RUNX2: variants seen among roughly 807,000 people sequenced by gnomAD.
RUNX2 encodes the protein runt-related transcription factor 2.
A neutral mutation model predicts 51.7 loss-of-function variants in RUNX2; 10 were observed. The ratio of observed to expected loss-of-function variants is 0.19; its 90% CI spans 0.12 to 0.33. RUNX2 has a LOEUF of 0.33. RUNX2 is among the 10% of genes least tolerant of loss of function. The pLI, the probability that RUNX2 is intolerant of heterozygous loss-of-function variation, is 1.00. For missense variants in RUNX2, 562 were observed against 691.3 expected (o/e 0.81, Z 2.10); for synonymous variants, 276 against 273.6 (o/e 1.01, Z -0.09).
intron 7 of RUNX2, among the ~76,000 whole-genome samples, chr6:45,535,280 C>T (rs779580665): frequency 7.2e-5 from 11 of 152,108 alleles, no homozygotes; most frequent in Admixed American, 1.3e-4. Context: ...GGTGATTGCG[C>T]GATTGTTGCT....
At chr6:45,354,486 C>T (rs6458440) in intron 2 of RUNX2, among the ~76,000 whole-genome samples, 22,839 of 151,948 alleles carry the variant, frequency 0.15, 1,963 homozygotes, top group East Asian at 0.26. Context: ...CTTTTTTGCT[C>T]ATCTGTGTGA....
intron 2 of RUNX2, among the ~76,000 whole-genome samples, chr6:45,407,618 C>T (rs1797865117): frequency 6.6e-6 from 1 of 151,982 alleles, no homozygotes; most frequent in Non-Finnish European, 1.5e-5. Flanking sequence ...TCAGCCTCCC[C>T]ACTAGCTGGG....
chr6:45,429,866 GGC>G (rs1798489828), intron 3 of RUNX2, among the ~76,000 whole-genome samples: 1 of 152,146 alleles, frequency 6.6e-6, no homozygotes, highest in African/African-American at 2.4e-5. Context: ...GGCTGAGGCG[GGC>G]GGATCACCTG....
chr6:45,527,144 G>T (rs1274318782), intron 7 of RUNX2, among the ~76,000 whole-genome samples: 3 of 152,172 alleles, frequency 2.0e-5, no homozygotes, highest in Non-Finnish European at 2.9e-5. Flanking sequence ...TGGGAAAATC[G>T]AGTGCAAGGG....
intron 2 of RUNX2, among the ~76,000 whole-genome samples, chr6:45,380,186 G>A (rs1178516647): frequency 1.3e-5 from 2 of 152,196 alleles, no homozygotes; most frequent in South Asian, 2.1e-4. Flanking sequence ...TGGTACTAGG[G>A]TATCTTAATT....
chr6:45,515,123 C>T (rs1801279455), intron 7 of RUNX2, among the ~76,000 whole-genome samples: 1 of 152,062 alleles, frequency 6.6e-6, no homozygotes, highest in Non-Finnish European at 1.5e-5. Context: ...GAAATGCTTT[C>T]CAGAACAGTT....
intron 6 of RUNX2, among the ~76,000 whole-genome samples, chr6:45,505,821 C>A (rs1420787521): frequency 6.6e-6 from 1 of 152,196 alleles, no homozygotes; most frequent in Non-Finnish European, 1.5e-5. Flanking sequence ...AGAAGGAGAA[C>A]TTATAAAATC....
chr6:45,459,299 G>C (rs911778326), intron 5 of RUNX2, among the ~76,000 whole-genome samples: 2 of 152,110 alleles, frequency 1.3e-5, no homozygotes, highest in Non-Finnish European at 2.9e-5. Flanking sequence ...AAAAATCATA[G>C]AATTACCTAA....
At chr6:45,458,206 T>C (rs1799373767) in intron 5 of RUNX2, among the ~76,000 whole-genome samples, 1 of 152,086 alleles carries the variant, frequency 6.6e-6, no homozygotes, top group South Asian at 2.1e-4. Flanking sequence ...TTTGTATTTT[T>C]AGTAGGGACG....
chr6:45,544,140 G>A lies in RUNX2; in HGVS notation c.1022-1077G>A, dbSNP rs116282708. Reference sequence around the variant, plus strand: ...AACATTAGCGCTCTTTATCAAGAAAGAGTCCATTCTCAAGACATTAAGACT... The same window carrying A: ...AACATTAGCGCTCTTTATCAAGAAAAAGTCCATTCTCAAGACATTAAGACT... On this transcript the variant is annotated intron_variant, in intron 7 of 8. Coordinates refer to ENST00000647337, the MANE Select transcript of RUNX2 (RefSeq NM_001024630.4). Among the ~76,000 whole-genome samples, 1,291 of 152,024 alleles carry A rather than the reference G, an allele frequency of 8.5e-3. 13 individuals are homozygous for A. The highest frequency in any genetic ancestry group is 0.029 in the African/African-American group (1,210 of 41,452).
chr6:45,501,433 C>G (rs1468422923), intron 6 of RUNX2, among the ~76,000 whole-genome samples: 2 of 152,158 alleles, frequency 1.3e-5, no homozygotes, highest in Non-Finnish European at 2.9e-5. Flanking sequence ...AGTTCTGATT[C>G]TTCTTCTGTT....
intron 7 of RUNX2, among the ~76,000 whole-genome samples, chr6:45,534,973 T>C (rs896171503): frequency 1.2e-4 from 19 of 152,174 alleles, no homozygotes; most frequent in African/African-American, 3.9e-4. Context: ...CCATTATCCT[T>C]AGCAAACTAA....
chr6:45,465,943 G>C (rs890026230), intron 5 of RUNX2, among the ~76,000 whole-genome samples: 2 of 151,910 alleles, frequency 1.3e-5, no homozygotes, highest in African/African-American at 4.8e-5. Flanking sequence ...ACTGTACCCC[G>C]CCCTACTTCT....
At chr6:45,417,123 A>G (rs1798081866) in intron 2 of RUNX2, among the ~76,000 whole-genome samples, 1 of 152,252 alleles carries the variant, frequency 6.6e-6, no homozygotes, top group Non-Finnish European at 1.5e-5. Flanking sequence ...TTACTAAGCT[A>G]ACTGTCTGAA....
intron 6 of RUNX2, among the ~76,000 whole-genome samples, chr6:45,496,805 C>T (rs781706939): frequency 6.6e-6 from 1 of 152,124 alleles, no homozygotes; most frequent in African/African-American, 2.4e-5. Context: ...AACAAAGAAG[C>T]AGAATTATGT....
intron 7 of RUNX2, among the ~76,000 whole-genome samples, chr6:45,534,898 T>C (rs902296664): frequency 2.6e-5 from 4 of 152,340 alleles, no homozygotes; most frequent in South Asian, 2.1e-4. Flanking sequence ...GTTTAAAGTC[T>C]AGTTGAACAC....
intron 6 of RUNX2, among the ~76,000 whole-genome samples, chr6:45,493,650 T>TA (rs77936464): frequency 0.01 from 1,527 of 147,860 alleles, 23 homozygotes; most frequent in African/African-American, 0.035. Flanking sequence ...TAAATATATG[T>TA]AAAAAAAAAA....
chr6:45,437,474 G>A (rs183107201), intron 4 of RUNX2, among the ~76,000 whole-genome samples: 1 of 152,230 alleles, frequency 6.6e-6, no homozygotes, highest in Admixed American at 6.5e-5. Flanking sequence ...TTATTGTAGT[G>A]CAGCTAAGCA....
intron 3 of RUNX2, among the ~76,000 whole-genome samples, chr6:45,428,014 T>A (rs1447677134): frequency 6.6e-6 from 1 of 152,198 alleles, no homozygotes; most frequent in Non-Finnish European, 1.5e-5. Flanking sequence ...CCTTTTCTCA[T>A]GGAGTTTCTT....
Sources: gnomAD v4.1 joint callset for allele counts (sites outside exome capture counted in the v4.1 genomes callset) on GRCh38, gnomAD v4.1.1 for gene constraint, MANE v1.5 for transcripts, NCBI Gene and HGNC (gene_info 2026-07-23, HGNC 2026-07-21) for gene names.